Variants in CDC14B observed in about 807,000 individuals in gnomAD.
CDC14B encodes cell division cycle 14B.
CDC14B carries 22 observed loss-of-function variants against 64.2 expected under a neutral mutation model. That is an observed-to-expected ratio of 0.34 (90% confidence interval 0.24 to 0.49). CDC14B has a LOEUF of 0.49. CDC14B is among the 20% of genes least tolerant of loss of function. The pLI is 0.99. For missense variants in CDC14B, 498 were observed against 629.9 expected, an observed-to-expected ratio of 0.79 and a Z score of 2.24; for synonymous variants, 191 against 215.8, an observed-to-expected ratio of 0.89 and a Z score of 1.01.
intron 1 of CDC14B, among the ~76,000 whole-genome samples, chr9:96,576,581 T>C (rs1013677938): frequency 1.5e-5 from 2 of 133,438 alleles, no homozygotes; most frequent in Non-Finnish European, 3.1e-5. Context: ...TGCAGGGAGC[T>C]GAGATCAAGC....
At position 96,534,531 on chromosome 9, in the gene CDC14B, A is replaced by T; in HGVS notation, c.639T>A (p.Asn213Lys). The change falls in exon 8 of 14, where the codon AAT becomes AAA. Residue 213 changes from asparagine (N) to lysine (K), a missense_variant. By Grantham distance (94) the Asn-to-Lys change is moderately conservative. Transcript: ENST00000375241. ...CTGGTATTATCCAATTTAAATCTCC[A>T]TTTTCTGCTTTCTGCAAGGGGAAGA... ...DEYEHYEKAE[N>K]GDLNWIIPDR... 1.2e-6 allele frequency: 2 copies of T among 1,612,192 alleles called. No individual in the cohort carries two copies. The highest frequency in any genetic ancestry group is 1.7e-6 in the Non-Finnish European group (2 of 1,178,476).
chr9:96,511,432 G>A (rs1222076540), intron 12 of CDC14B, among the ~76,000 whole-genome samples: 2 of 152,182 alleles, frequency 1.3e-5, no homozygotes, highest in Non-Finnish European at 1.5e-5. Context: ...TTAGCCGAGT[G>A]TGGTGGCAGG....
At chr9:96,594,953 C>A (rs1441055473) in intron 1 of CDC14B, among the ~76,000 whole-genome samples, 2 of 152,192 alleles carry the variant, frequency 1.3e-5, no homozygotes, top group Middle Eastern at 3.4e-3. Flanking sequence ...GAGACAGAGA[C>A]CATCCTGGCC....
intron 1 of CDC14B, among the ~76,000 whole-genome samples, chr9:96,575,255 A>G (rs1844734646): frequency 6.6e-6 from 1 of 152,182 alleles, no homozygotes; most frequent in African/African-American, 2.4e-5. Context: ...CTGCTTGCGC[A>G]AGTAATTCCA....
rs1429462843 is a variant in CDC14B, at chr9:96,541,810, C to A, written c.564+16G>T. 6.3e-7 allele frequency: 1 copy of A among 1,581,900 alleles called. No homozygotes were observed. Among genetic ancestry groups the A allele is most frequent in the Admixed American group, 1.7e-5 (1 of 58,438 alleles). On this transcript the variant is annotated intron_variant, in intron 6 of 13. Transcript: ENST00000375241. ...TTCCTCAACACAACACTGGGTGCAT[C>A]CTACATGTCACTCACCTTCTTTACT...
intron 1 of CDC14B, among the ~76,000 whole-genome samples, chr9:96,596,232 C>G (rs1486044535): frequency 6.6e-6 from 1 of 151,658 alleles, no homozygotes; most frequent in Non-Finnish European, 1.5e-5. Flanking sequence ...CATGGTGGCA[C>G]GGACCTGTAG....
In CDC14B at chr9:96,515,614, T is replaced by C. The variant is rs889596707; in HGVS notation, c.1344-5825A>G. The C allele has an allele frequency of 1.3e-6, 2 of 1,530,122 alleles. No homozygotes were observed. Among genetic ancestry groups the C allele is most frequent in the Non-Finnish European group, 1.8e-6 (2 of 1,137,272 alleles). 94.8% of individuals were successfully genotyped at this position (1,530,122 alleles called of 1,614,324 possible). ...TGGGAACCACACTAGGCACCAGAAG[T>C]AAGCAACGGCAGAGAAACAGAACGG... On this transcript the variant is annotated intron_variant, in intron 12 of 13. Transcript: ENST00000375241. The surrounding 1 kb of genome is among the most constrained non-coding windows in gnomAD (Gnocchi z 4.3).
Position 96,619,449 on chromosome 9 carries a change from G to A in CDC14B, c.-71C>T, listed in dbSNP as rs1439346519. On this transcript the variant is annotated 5_prime_UTR_variant, in exon 1 of 14. Coordinates refer to ENST00000375241, the MANE Select transcript of CDC14B (RefSeq NM_033331.4). ...CGCCCGCGCGCCCGCCGAGGCTCCC[G>A]CCAGCCCCGCGCGGGCGCTCGGGGC... 4.9e-5 allele frequency: 45 copies of A among 918,312 alleles called. No individual in the cohort carries two copies. The highest frequency in any genetic ancestry group is 1.2e-4 in the Admixed American group (2 of 16,122). The allele number at this position is 918,312 out of a possible 1,614,324, so 56.9% of individuals were successfully genotyped here. A position where few individuals can be genotyped will look rare whatever the true frequency, so the allele number is the denominator to read the frequency against.
intron 12 of CDC14B, chr9:96,514,456 T>C (rs1284803506): frequency 1.0e-6 from 1 of 985,306 alleles, no homozygotes; most frequent in African/African-American, 1.7e-5. Context: ...AAGCTTTTAT[T>C]TGTAAGATAT....
chr9:96,570,397 G>A (rs143137319), intron 1 of CDC14B, among the ~76,000 whole-genome samples: 89 of 152,328 alleles, frequency 5.8e-4, no homozygotes, highest in Non-Finnish European at 9.7e-4. Context: ...TGAACTGGGT[G>A]TATGGCCTTC....
chr9:96,503,900 T>A, intron 13 of CDC14B, 111 bp from the exon 14 acceptor site: 3 of 796,838 alleles, frequency 3.8e-6, no homozygotes, highest in Non-Finnish European at 6.3e-6. Flanking sequence ...CTAAAAAGTA[T>A]ACGCTTGCTG....
intron 13 of CDC14B, 109 bp downstream of exon 13, chr9:96,509,564 A>G: frequency 2.7e-6 from 2 of 748,448 alleles, no homozygotes; most frequent in Non-Finnish European, 4.8e-6. Context: ...CCCATCACAG[A>G]GACTCTACTT....
At chr9:96,599,787 G>C (rs1846313278) in intron 1 of CDC14B, among the ~76,000 whole-genome samples, 1 of 151,854 alleles carries the variant, frequency 6.6e-6, no homozygotes, top group African/African-American at 2.4e-5. Flanking sequence ...CACCAGGCTG[G>C]AGTGCAGTGG....
Position 96,568,452 on chromosome 9 carries a change from A to C in CDC14B, c.161-2969T>G, listed in dbSNP as rs140127233. Among the ~76,000 whole-genome samples the C allele has an allele frequency of 4.6e-3, 708 of 152,304 alleles. 6 individuals carry two copies. The highest frequency in any genetic ancestry group is 0.016 in the African/African-American group (672 of 41,548). On this transcript the variant is annotated intron_variant, in intron 1 of 13. Coordinates refer to ENST00000375241, the MANE Select transcript of CDC14B (RefSeq NM_033331.4). ...AACAGAAATGCAAAGTTCCACTATG[A>C]GGTACTATTTTTTCCTCAGACTGGC...
chr9:96,556,357 A>C (rs769794070), intron 4 of CDC14B, among the ~76,000 whole-genome samples: 1 of 151,906 alleles, frequency 6.6e-6, no homozygotes, highest in Non-Finnish European at 1.5e-5. Flanking sequence ...AAAAAAAATC[A>C]CTCTCTCCAG....
intron 1 of CDC14B, among the ~76,000 whole-genome samples, chr9:96,580,714 T>C (rs948374499): frequency 5.3e-5 from 8 of 152,122 alleles, no homozygotes; most frequent in Admixed American, 5.2e-4. Context: ...ACTATAGCAG[T>C]GTCTGCAGTA....
chr9:96,609,114 G>T (rs991283445), intron 1 of CDC14B, among the ~76,000 whole-genome samples: 6 of 152,104 alleles, frequency 3.9e-5, no homozygotes, highest in African/African-American at 1.4e-4. Flanking sequence ...ACAGGTGCAT[G>T]CCAACACGCC....
intron 1 of CDC14B, among the ~76,000 whole-genome samples, chr9:96,602,928 A>T (rs1433856750): frequency 4.6e-5 from 7 of 152,002 alleles, no homozygotes; most frequent in Non-Finnish European, 1.0e-4. Flanking sequence ...CACTGAAGAG[A>T]CAGTAACTAC....
chr9:96,511,520 G>A (rs577344846), intron 12 of CDC14B, among the ~76,000 whole-genome samples: 143 of 152,320 alleles, frequency 9.4e-4, no homozygotes, highest in African/African-American at 3.3e-3. Flanking sequence ...GTAGTGAGCC[G>A]AGATCGTGCC....
Sources: gnomAD v4.1 joint callset for allele counts (sites outside exome capture counted in the v4.1 genomes callset) on GRCh38, gnomAD v4.1.1 for gene constraint, Gnocchi (gnomAD v3.1) non-coding constraint, MANE v1.5 for transcripts, NCBI Gene and HGNC (gene_info 2026-07-23, HGNC 2026-07-21) for gene names.